USP34: variants seen among roughly 807,000 people sequenced by gnomAD.
The protein encoded by USP34 is ubiquitin carboxyl-terminal hydrolase 34.
Under a neutral mutation model 460.3 loss-of-function variants are expected in USP34, and 70 were observed. The ratio of observed to expected loss-of-function variants is 0.15; its 90% confidence interval spans 0.13 to 0.19. USP34 has a LOEUF of 0.19. Ranked by LOEUF, USP34 falls within the 10% of genes least tolerant of loss-of-function variation. USP34 has a pLI of 1.00. For missense variants in USP34, 3,985 were observed against 4,236.2 expected (o/e 0.94, Z 1.65); for synonymous variants, 1,647 against 1,405.3 (o/e 1.17, Z -3.85).
intron 27 of USP34, among the ~76,000 whole-genome samples, chr2:61,311,296 A>C (rs1443627368): frequency 6.6e-6 from 1 of 152,150 alleles, no homozygotes; most frequent in African/African-American, 2.4e-5. Flanking sequence ...TGCCACTTTG[A>C]AAGCAGAGAG....
intron 23 of USP34, 151 bp downstream of exon 23, chr2:61,317,503 A>G (rs1468545568): frequency 2.6e-5 from 16 of 613,840 alleles, no homozygotes; most frequent in Non-Finnish European, 4.5e-5. Flanking sequence ...CTACAGCCTG[A>G]GCAACAGAGA....
At chr2:61,453,843 T>C (rs959532759) in intron 1 of USP34, among the ~76,000 whole-genome samples, 10 of 151,774 alleles carry the variant, frequency 6.6e-5, no homozygotes, top group African/African-American at 2.4e-4. Context: ...AGGAAAACAT[T>C]AGTTAAATAT....
chr2:61,468,573 T>A (rs1404692106), intron 1 of USP34, among the ~76,000 whole-genome samples: 1 of 152,222 alleles, frequency 6.6e-6, no homozygotes, highest in Non-Finnish European at 1.5e-5. Context: ...ATTAAGAAAC[T>A]AAGTATTTTT....
At chr2:61,377,049 C>A (rs1040284379) in intron 8 of USP34, among the ~76,000 whole-genome samples, 1 of 152,206 alleles carries the variant, frequency 6.6e-6, no homozygotes, top group Non-Finnish European at 1.5e-5. Context: ...ATGAAAAATT[C>A]TAGGCAACAC....
chr2:61,356,840 T>C (rs1692123666), intron 10 of USP34, among the ~76,000 whole-genome samples: 1 of 152,118 alleles, frequency 6.6e-6, no homozygotes, highest in African/African-American at 2.4e-5. Context: ...CACTTAAAAA[T>C]GATTAAAGGG....
intron 3 of USP34, among the ~76,000 whole-genome samples, chr2:61,396,054 CAAA>C (rs771466849): frequency 2.9e-5 from 2 of 69,838 alleles, no homozygotes; most frequent in Admixed American, 1.5e-4. Flanking sequence ...AAAACTGTCT[CAAA>C]AAAAAAAAAA....
chr2:61,194,257 T>C (rs1686728410), intron 75 of USP34: 1 of 985,324 alleles, frequency 1.0e-6, no homozygotes, highest in Non-Finnish European at 1.2e-6. Flanking sequence ...AAATGCTACT[T>C]CCCCTTTATC....
At chr2:61,397,835 G>A (rs1693582895) in intron 3 of USP34, among the ~76,000 whole-genome samples, 1 of 152,112 alleles carries the variant, frequency 6.6e-6, no homozygotes, top group East Asian at 1.9e-4. Flanking sequence ...GGAGACGGAG[G>A]CTGCAGTGAG....
At chr2:61,403,555 ATATTT>A (rs1031882909) in intron 3 of USP34, among the ~76,000 whole-genome samples, 2 of 152,182 alleles carry the variant, frequency 1.3e-5, no homozygotes, top group African/African-American at 4.8e-5. Flanking sequence ...AATATTTAAT[ATATTT>A]TATATCATGT....
chr2:61,398,129 T>G (rs538556539), intron 3 of USP34, among the ~76,000 whole-genome samples: 2 of 152,190 alleles, frequency 1.3e-5, no homozygotes, highest in Non-Finnish European at 1.5e-5. Flanking sequence ...ATCCCAGCAC[T>G]GTGGGAGGCT....
intron 37 of USP34, 110 bp downstream of exon 37, chr2:61,283,035 T>A: frequency 8.9e-7 from 1 of 1,124,282 alleles, no homozygotes; most frequent in Non-Finnish European, 1.3e-6. Flanking sequence ...GATAATGTGA[T>A]ATATTTATGG....
chr2:61,406,641 A>T (rs1693879372), intron 2 of USP34, among the ~76,000 whole-genome samples: 2 of 149,630 alleles, frequency 1.3e-5, no homozygotes, highest in Admixed American at 6.8e-5. Flanking sequence ...ACACACACAC[A>T]CTCTCTCTTT....
At chr2:61,350,986 G>GC (rs371151543) in intron 10 of USP34, among the ~76,000 whole-genome samples, 1 of 152,152 alleles carries the variant, frequency 6.6e-6, no homozygotes, top group African/African-American at 2.4e-5. Context: ...ACTTTGAGAG[G>GC]CTGAGTTGGC....
chr2:61,188,772 G>A lies in USP34; in HGVS notation c.10034-63C>T, dbSNP rs990448898. The A allele has an allele frequency of 2.5e-6, 4 of 1,573,608 alleles. No homozygotes were observed. The African/African-American group carries it at 4.1e-5, about 16-fold the overall frequency. On this transcript the variant is annotated intron_variant, in intron 79 of 79. Coordinates refer to ENST00000398571, the MANE Select transcript of USP34 (RefSeq NM_014709.4). ...AGTCATTAAGATCACGTTAGGGGGGGATGTGGGAAGTTAATTTTGTTTCTA... is the reference window on the plus strand; with the variant it reads ...AGTCATTAAGATCACGTTAGGGGGGAATGTGGGAAGTTAATTTTGTTTCTA...
intron 25 of USP34, among the ~76,000 whole-genome samples, chr2:61,313,041 C>G (rs1690641631): frequency 6.6e-6 from 1 of 152,036 alleles, no homozygotes; most frequent in South Asian, 2.1e-4. Flanking sequence ...CTAAGCACAT[C>G]AAGAACAAAA....
intron 48 of USP34, among the ~76,000 whole-genome samples, chr2:61,254,859 CTTTT>C (rs1345212564): frequency 6.6e-6 from 1 of 151,158 alleles, no homozygotes; most frequent in Non-Finnish European, 1.5e-5. Flanking sequence ...ATTTTTTTTT[CTTTT>C]TTGAGATAGG....
chr2:61,371,233 T>G (rs1488840976), intron 8 of USP34, among the ~76,000 whole-genome samples: 1 of 152,188 alleles, frequency 6.6e-6, no homozygotes, highest in African/African-American at 2.4e-5. Flanking sequence ...ACTCACAGGT[T>G]TGTGGTGATG....
At position 61,317,779 on chromosome 2, in the gene USP34, TA is replaced by T; in HGVS notation, c.3169-13del. On this transcript the variant is annotated splice_polypyrimidine_tract_variant and intron_variant, in intron 22 of 79. Transcript: ENST00000398571. The stretch of plus-strand genomic sequence containing the variant: ...TTTAGCTGGGGCATCTTTGGAAGGG[TA>T]GGGGGAAACACAAAGCTAATTTAGT... 6.2e-7 allele frequency: 1 copy of T among 1,602,942 alleles called. No homozygotes were observed. The highest frequency in any genetic ancestry group is 8.5e-7 in the Non-Finnish European group (1 of 1,172,120).
At chr2:61,348,664 A>G in intron 14 of USP34, 92 bp downstream of exon 14, 1 of 1,483,630 alleles carries the variant, frequency 6.7e-7, no homozygotes, top group African/African-American at 1.4e-5. Context: ...GGACAAGCCC[A>G]AACATGAATT....
Sources: gnomAD v4.1 joint callset for allele counts (sites outside exome capture counted in the v4.1 genomes callset) on GRCh38, gnomAD v4.1.1 for gene constraint, MANE v1.5 for transcripts, NCBI Gene and HGNC (gene_info 2026-07-23, HGNC 2026-07-21) for gene names.